RNASE10: variants seen among roughly 807,000 people sequenced by gnomAD.
The protein encoded by RNASE10 is ribonuclease A family member 10 (inactive), also known as inactive ribonuclease-like protein 10.
Under a neutral mutation model 1.1 loss-of-function variants are expected in RNASE10, and 2 were observed. The ratio of observed to expected loss-of-function variants is 1.82; its 90% CI spans 0.74 to 5.73. RNASE10 has a LOEUF of 5.73. RNASE10 is among the 30% of genes most tolerant of loss of function. The pLI is 0.05. For synonymous variants in RNASE10, 97 were observed against 96.2 expected (o/e 1.01, Z -0.05); for missense variants, 276 against 263.4 (o/e 1.05, Z -0.33).
At chr14:20,512,189 G>A (rs572584211), downstream of RNASE10, among the ~76,000 whole-genome samples, 11 of 152,262 alleles carry the variant, frequency 7.2e-5, no homozygotes, top group Admixed American at 3.3e-4. Flanking sequence ...ATTTAGCATC[G>A]TTTCCGCTTT....
chr14:20,511,887 G>C (rs1370155582), downstream of RNASE10, among the ~76,000 whole-genome samples: 1 of 151,492 alleles, frequency 6.6e-6, no homozygotes, highest in Non-Finnish European at 1.5e-5. Flanking sequence ...TTTTGGGCCC[G>C]CTCTTCTCTT....
intron 1 of RNASE10, among the ~76,000 whole-genome samples, chr14:20,507,865 AGCCT>A (rs1882792015): frequency 6.6e-6 from 1 of 151,896 alleles, no homozygotes; most frequent in Admixed American, 6.6e-5. Context: ...CTCCCACCTC[AGCCT>A]GCCTGGTAGC....
downstream of RNASE10, among the ~76,000 whole-genome samples, chr14:20,513,691 T>C (rs1350999764): frequency 6.6e-6 from 1 of 152,244 alleles, no homozygotes; most frequent in East Asian, 1.9e-4. Context: ...TGTTTTGTTA[T>C]GAGTAGGTCC....
At chr14:20,512,606 CAG>C (rs1238523023), downstream of RNASE10, among the ~76,000 whole-genome samples, 4 of 152,224 alleles carry the variant, frequency 2.6e-5, no homozygotes, top group African/African-American at 9.6e-5. Flanking sequence ...TTTTCACAGA[CAG>C]GCAACCACTT....
At position 20,505,755 on chromosome 14, in the gene RNASE10, G is replaced by A. The variant is rs1170425312; in HGVS notation, c.-186G>A. On this transcript the variant is annotated 5_prime_UTR_variant, in exon 1 of 2. Transcript: ENST00000430083. The stretch of plus-strand genomic sequence containing the variant: ...CGCCACCCCGTCTGGGAAGTGAGGA[G>A]CGTCTCTGCCTGGCCGCCCATCGTC... 1.2e-4 allele frequency: 13 copies of A among 105,592 alleles called. 4 individuals carry two copies. Among genetic ancestry groups the A allele is most frequent in the Non-Finnish European group, 2.1e-4 (13 of 60,596 alleles). 6.5% of individuals were successfully genotyped at this position (105,592 alleles called of 1,614,324 possible).
chr14:20,510,815 CAGAT>C lies in RNASE10; in HGVS notation c.432_435del (p.Asp144GlufsTer6), dbSNP rs1423721762. The C allele has an allele frequency of 6.2e-7, 1 of 1,614,158 alleles. No homozygotes were observed. Among genetic ancestry groups the C allele is most frequent in the Non-Finnish European group, 8.5e-7 (1 of 1,180,030 alleles). On this transcript the variant is annotated frameshift_variant, in exon 2 of 2. Transcript: ENST00000430083. LOFTEE classifies it low-confidence loss of function (END_TRUNC). The stretch of plus-strand genomic sequence containing the variant: ...AAAGACTATCTTAGGCTTGACCAGA[CAGAT>C]AGAGAATGCAATGATATGATGGCAC...
At chr14:20,513,537 A>G (rs1317783078), downstream of RNASE10, among the ~76,000 whole-genome samples, 2 of 152,184 alleles carry the variant, frequency 1.3e-5, no homozygotes, top group African/African-American at 4.8e-5. Flanking sequence ...AAATCTCTGA[A>G]GCTCTGAAAA....
chr14:20,512,014 T>C (rs965956722), downstream of RNASE10, among the ~76,000 whole-genome samples: 2 of 150,656 alleles, frequency 1.3e-5, no homozygotes, highest in African/African-American at 4.9e-5. Context: ...GCACAGGGAG[T>C]TAGAGGGGGG....
chr14:20,508,682 C>T (rs8016734), intron 1 of RNASE10, among the ~76,000 whole-genome samples: 48,533 of 152,042 alleles, frequency 0.32, 8,352 homozygotes, highest in African/African-American at 0.42. Flanking sequence ...GGGGGAAAAA[C>T]ATGCTGCAAT....
upstream of RNASE10, among the ~76,000 whole-genome samples, chr14:20,504,901 A>C (rs1397562403): frequency 6.6e-6 from 1 of 151,964 alleles, no homozygotes; most frequent in Non-Finnish European, 1.5e-5. Flanking sequence ...AGCGGAGAGG[A>C]GCTCACAGGC....
At chr14:20,510,589 C>T in exon 2 of RNASE10, 1 of 1,614,152 alleles carries the variant, frequency 6.2e-7, no homozygotes, top group Non-Finnish European at 8.5e-7. Context: ...GAGTGATCAA[C>T]CGCTCAATGA....
upstream of RNASE10, among the ~76,000 whole-genome samples, chr14:20,505,308 C>G (rs1424421904): frequency 1.2e-5 from 1 of 80,958 alleles, no homozygotes; most frequent in Non-Finnish European, 2.4e-5. Context: ...CTCCCTCTCC[C>G]TCTCCCTCTC....
upstream of RNASE10, among the ~76,000 whole-genome samples, chr14:20,505,196 AGT>A (rs1882658487): frequency 6.8e-6 from 1 of 147,006 alleles, no homozygotes. Flanking sequence ...CCCATGAAAC[AGT>A]GTCTGTGTTT....
chr14:20,506,954 C>G lies in RNASE10; in HGVS notation c.79+935C>G, dbSNP rs1594440010. Among the ~76,000 whole-genome samples the G allele has an allele frequency of 2.9e-5, 4 of 137,300 alleles. No individual in the cohort carries two copies. In the East Asian group the frequency reaches 9.0e-4, roughly 31 times the overall value. 90.1% of individuals were successfully genotyped at this position (137,300 alleles called of 152,430 possible). ...GGGAGGGGGGAGGGGGGGTCAGCCC[C>G]CCGCCCGGCCAGCCGCCCCGTCCGG... On this transcript the variant is annotated intron_variant, in intron 1 of 1. Transcript: ENST00000430083.
At chr14:20,513,011 T>C (rs777814546), downstream of RNASE10, among the ~76,000 whole-genome samples, 2 of 152,158 alleles carry the variant, frequency 1.3e-5, no homozygotes, top group African/African-American at 2.4e-5. Context: ...AGATCTCCAT[T>C]GTATGGAGTG....
chr14:20,510,744 TG>T lies in RNASE10; in HGVS notation c.362del (p.Gly121ValfsTer30), dbSNP rs1566538231. On this transcript the variant is annotated frameshift_variant, in exon 2 of 2. Coordinates refer to ENST00000430083, the Ensembl canonical transcript of RNASE10. LOFTEE classifies it low-confidence loss of function (END_TRUNC). ...ATCCCATCCTCGGTGAAGATGAGGT[TG>T]GGGGTAACAAGATGCTCAGAGCCTC... 1.2e-6 allele frequency: 2 copies of T among 1,614,112 alleles called. No homozygotes were observed. The highest frequency in any genetic ancestry group is 2.2e-5 in the South Asian group (2 of 91,074).
chr14:20,510,074 G>A (rs1882854480), intron 1 of RNASE10, among the ~76,000 whole-genome samples: 1 of 151,104 alleles, frequency 6.6e-6, no homozygotes, highest in Admixed American at 6.6e-5. Context: ...AGCTATGATG[G>A]TGCCACTGTA....
chr14:20,511,137 T>C (rs750161421), exon 2 of RNASE10: 2 of 1,463,122 alleles, frequency 1.4e-6, no homozygotes, highest in Non-Finnish European at 1.8e-6. Flanking sequence ...ACTCATCATC[T>C]TTTTTCTCTT....
rs1313597252 is a variant in RNASE10 at position 20,506,187 on chromosome 14, G to GC, written c.79+168_79+169insC. On this transcript the variant is annotated intron_variant, in intron 1 of 1. Coordinates refer to ENST00000430083, the Ensembl canonical transcript of RNASE10. ...CACCCCGTCCGGGAGGGAGGTGGGGGGGGGTCAGCCCCCCGCCCGGCCAGC... is the reference window on the plus strand; with the variant it reads ...CACCCCGTCCGGGAGGGAGGTGGGGGCGGGGTCAGCCCCCCGCCCGGCCAGC... 1.1e-4 allele frequency among the ~76,000 whole-genome samples: 15 copies of GC among 139,872 alleles called. No homozygotes were observed. The East Asian group carries it at 3.1e-3, about 29-fold the overall frequency. The allele number at this position is 139,872 out of a possible 152,430, so 91.8% of individuals were successfully genotyped here. A position where few individuals can be genotyped will look rare whatever the true frequency, so the allele number is the denominator to read the frequency against.
Sources: allele counts gnomAD v4.1 joint callset (sites outside exome capture counted in the v4.1 genomes callset), GRCh38; gene constraint gnomAD v4.1.1; transcripts MANE v1.5; gene names NCBI Gene and HGNC (gene_info 2026-07-23, HGNC 2026-07-21).